FBXW4: variants seen among roughly 807,000 people sequenced by gnomAD.
FBXW4 encodes the protein F-box and WD repeat domain containing 4, also known as F-box/WD repeat-containing protein 4.
Under a neutral mutation model 61.8 loss-of-function variants are expected in FBXW4, and 40 were observed. The ratio of observed to expected loss-of-function variants is 0.65; its 90% confidence interval spans 0.50 to 0.84. The LOEUF (loss-of-function observed/expected upper bound fraction) is 0.84, where lower values mean the gene tolerates loss of function less well. Ranked by LOEUF, FBXW4 falls within the 40% of genes least tolerant of loss-of-function variation. FBXW4 has a pLI of 0.00. For synonymous variants in FBXW4, 311 were observed against 313.8 expected, an observed-to-expected ratio of 0.99 and a Z score of 0.10; for missense variants, 672 against 753.8, an observed-to-expected ratio of 0.89 and a Z score of 1.27.
chr10:101,641,405 A>T (rs2064052093), intron 5 of FBXW4, among the ~76,000 whole-genome samples: 2 of 152,196 alleles, frequency 1.3e-5, no homozygotes, highest in African/African-American at 4.8e-5. Flanking sequence ...ATTGACTGTG[A>T]TCTTTCTTTG....
chr10:101,659,267 C>T, intron 5 of FBXW4: 1 of 504,168 alleles, frequency 2.0e-6, no homozygotes, highest in East Asian at 1.5e-4. Context: ...CACCTGTTCA[C>T]AAGGTTACCT....
chr10:101,680,909 G>A (rs1379887942), intron 1 of FBXW4, among the ~76,000 whole-genome samples: 2 of 152,168 alleles, frequency 1.3e-5, no homozygotes, highest in South Asian at 2.1e-4. Flanking sequence ...GAAATAGCCC[G>A]AAGGTCTGTC....
intron 4 of FBXW4, among the ~76,000 whole-genome samples, chr10:101,669,574 T>A (rs1032662158): frequency 6.6e-6 from 1 of 152,224 alleles, no homozygotes; most frequent in South Asian, 2.1e-4. Flanking sequence ...CCACCAATTC[T>A]GAGCAAGATC....
intron 1 of FBXW4, among the ~76,000 whole-genome samples, chr10:101,678,199 T>C (rs955699734): frequency 6.6e-6 from 1 of 152,212 alleles, no homozygotes; most frequent in Non-Finnish European, 1.5e-5. Context: ...GATGGGTTAA[T>C]AGGCAATAGG....
intron 1 of FBXW4, among the ~76,000 whole-genome samples, chr10:101,684,224 C>T (rs1007214019): frequency 3.3e-5 from 5 of 152,154 alleles, no homozygotes; most frequent in South Asian, 2.1e-4. Context: ...CCCAGGTTCA[C>T]GCCATTCTCC....
At chr10:101,635,822 C>G (rs1333752221) in intron 5 of FBXW4, among the ~76,000 whole-genome samples, 1 of 141,868 alleles carries the variant, frequency 7.0e-6, no homozygotes, top group Non-Finnish European at 1.5e-5. Context: ...ACCTGGGCAA[C>G]AGAGCAAGAC....
At chr10:101,681,757 T>TAAC (rs1554934412) in intron 1 of FBXW4, among the ~76,000 whole-genome samples, 16 of 145,708 alleles carry the variant, frequency 1.1e-4, no homozygotes, top group South Asian at 2.2e-4. Flanking sequence ...ATAATAATAA[T>TAAC]AACAGGTCTA....
Position 101,667,786 on chromosome 10 carries a change from C to A in FBXW4, c.1235+100G>T, listed in dbSNP as rs2064319864. Reference sequence around the variant, plus strand: ...TCTCCAAGACAGTGACTCAAAGCAACCTAGAATACACAACAGGAAGATTTT... The same window carrying A: ...TCTCCAAGACAGTGACTCAAAGCAAACTAGAATACACAACAGGAAGATTTT... On this transcript the variant is annotated intron_variant, in intron 5 of 8. Transcript: ENST00000331272. 3 of 1,082,184 alleles carry A rather than the reference C, an allele frequency of 2.8e-6. No individual in the cohort carries two copies. The East Asian group carries it at 7.2e-5, about 26-fold the overall frequency. The allele number at this position is 1,082,184 out of a possible 1,614,324, so 67.0% of individuals were successfully genotyped here.
chr10:101,692,218 TG>T (rs1001305210), intron 1 of FBXW4, among the ~76,000 whole-genome samples: 17 of 151,656 alleles, frequency 1.1e-4, no homozygotes, highest in Non-Finnish European at 2.1e-4. Flanking sequence ...AGTATGGAAA[TG>T]GAAAACTGTA....
Position 101,694,580 on chromosome 10 carries a change from G to C in FBXW4, c.526C>G (p.Arg176Gly). 1 of 1,463,520 alleles carries C rather than the reference G, an allele frequency of 6.8e-7. No individual in the cohort carries two copies. Among genetic ancestry groups the C allele is most frequent in the Non-Finnish European group, 9.0e-7 (1 of 1,117,236 alleles). The allele number at this position is 1,463,520 out of a possible 1,614,324, so 90.7% of individuals were successfully genotyped here. A position where few individuals can be genotyped will look rare whatever the true frequency, so the allele number is the denominator to read the frequency against. ...EEEAARESAA[R>G]PAAGPALWRL... Reference sequence around the variant, plus strand: ...CAGAGCGCAGGCCCCGCGGCCGGGCGGGCAGCCGACTCCCGAGCCGCCTCC... The same window carrying C: ...CAGAGCGCAGGCCCCGCGGCCGGGCCGGCAGCCGACTCCCGAGCCGCCTCC... Residue 176 changes from arginine to glycine, a missense_variant, in exon 1 of 9, where the codon CGC becomes GGC. This residue lies in a region of FBXW4 where 311 missense variants were observed against 301.1 expected (regional missense o/e 1.03). Transcript: ENST00000331272. The surrounding 1 kb of genome is among the most constrained non-coding windows in gnomAD (Gnocchi z 6.0).
intron 6 of FBXW4, among the ~76,000 whole-genome samples, chr10:101,624,286 AC>A (rs916112007): frequency 2.0e-5 from 3 of 150,552 alleles, no homozygotes; most frequent in Non-Finnish European, 3.0e-5. Flanking sequence ...AAAAAAAAAA[AC>A]CAGAATGGCA....
chr10:101,642,673 T>C (rs1259694588), intron 5 of FBXW4, among the ~76,000 whole-genome samples: 3 of 152,182 alleles, frequency 2.0e-5, no homozygotes, highest in African/African-American at 7.2e-5. Flanking sequence ...GCCTCCTTGG[T>C]AGGCAAATAA....
At chr10:101,680,176 C>T (rs1190989388) in intron 1 of FBXW4, among the ~76,000 whole-genome samples, 1 of 151,960 alleles carries the variant, frequency 6.6e-6, no homozygotes, top group African/African-American at 2.4e-5. Flanking sequence ...ATTTAGATTG[C>T]CATCTCATAC....
intron 1 of FBXW4, among the ~76,000 whole-genome samples, chr10:101,679,088 A>G (rs1313507975): frequency 1.3e-5 from 2 of 152,332 alleles, no homozygotes; most frequent in African/African-American, 4.8e-5. Context: ...TTCACTGTAG[A>G]TAAGTATATA....
rs2134894964 is a variant in FBXW4 at position 101,673,528 on chromosome 10, G to A, written c.967C>T (p.His323Tyr). The change falls in exon 3 of 9, where the codon CAC becomes TAC. Residue 323 changes from histidine to tyrosine, a missense_variant. Physicochemically the swap from His to Tyr is moderately conservative, Grantham distance 83. Transcript: ENST00000331272. ...VFAGHDEDVC[H>Y]FVLANSHIVS... ...ATATGCGAGTTGGCCAGCACAAAGT[G>A]GCAAACGTCCTCATCATGCCCAGCA... is the stretch of plus-strand genomic sequence containing the variant. 6.2e-7 allele frequency: 1 copy of A among 1,613,950 alleles called. No homozygotes were observed.
chr10:101,681,448 T>A (rs1266057498), intron 1 of FBXW4, among the ~76,000 whole-genome samples: 1 of 148,946 alleles, frequency 6.7e-6, no homozygotes, highest in African/African-American at 2.5e-5. Context: ...CTGGGCGCGG[T>A]GGCTCACGCC....
chr10:101,691,475 T>C (rs1231614359), intron 1 of FBXW4, among the ~76,000 whole-genome samples: 3 of 152,190 alleles, frequency 2.0e-5, no homozygotes, highest in African/African-American at 7.2e-5. Flanking sequence ...CCCTAGGACA[T>C]GGGCGAGAAA....
intron 5 of FBXW4, among the ~76,000 whole-genome samples, chr10:101,667,230 CA>C (rs771521057): frequency 5.5e-3 from 297 of 54,438 alleles, no homozygotes; most frequent in African/African-American, 0.016. Flanking sequence ...GACTCCGTCT[CA>C]AAAAAAAAAA....
intron 5 of FBXW4, among the ~76,000 whole-genome samples, chr10:101,632,987 A>G (rs2063971018): frequency 6.6e-6 from 1 of 152,348 alleles, no homozygotes; most frequent in African/African-American, 2.4e-5. Flanking sequence ...CAGATGAGGT[A>G]GCTGGCATGT....
Sources: allele counts gnomAD v4.1 joint callset (sites outside exome capture counted in the v4.1 genomes callset), GRCh38; gene constraint gnomAD v4.1.1; regional missense constraint gnomAD v4.1.1; non-coding constraint Gnocchi (gnomAD v3.1); transcripts MANE v1.5; gene names NCBI Gene and HGNC (gene_info 2026-07-23, HGNC 2026-07-21).